Variants in TNS1 observed in about 807,000 individuals in gnomAD.
TNS1 encodes tensin-1.
A neutral mutation model predicts 168.6 loss-of-function variants in TNS1; 62 were observed. That is an observed-to-expected ratio of 0.37 (90% CI 0.30 to 0.45). The LOEUF is 0.45. TNS1 is among the 20% of genes least tolerant of loss of function. The probability of loss-of-function intolerance (pLI) is 1.00; values close to 1 mark genes in which losing one functional copy is unlikely to be tolerated. For missense variants in TNS1, 2,240 were observed against 2,339.4 expected (o/e 0.96, Z 0.88); for synonymous variants, 934 against 933.2 (o/e 1.00, Z -0.02).
intron 19 of TNS1, among the ~76,000 whole-genome samples, chr2:217,846,323 G>A (rs1403242462): frequency 1.3e-5 from 2 of 152,168 alleles, no homozygotes; most frequent in African/African-American, 4.8e-5. Flanking sequence ...TAGGAGCAGG[G>A]AGCCTGTGTC....
chr2:217,945,167 C>T (rs546814080), intron 3 of TNS1, among the ~76,000 whole-genome samples: 2 of 152,334 alleles, frequency 1.3e-5, no homozygotes, highest in African/African-American at 4.8e-5. Context: ...AAGGCCCTTC[C>T]TTCTCTTCCG....
At chr2:217,966,171 CT>C (rs1957623359) in intron 3 of TNS1, among the ~76,000 whole-genome samples, 1 of 152,018 alleles carries the variant, frequency 6.6e-6, no homozygotes, top group Non-Finnish European at 1.5e-5. Flanking sequence ...AATATGAGAC[CT>C]TTGGGGAGCC....
intron 3 of TNS1, among the ~76,000 whole-genome samples, chr2:217,937,586 A>G (rs1956686022): frequency 6.6e-6 from 1 of 152,068 alleles, no homozygotes; most frequent in South Asian, 2.1e-4. Context: ...CGACTGCCAG[A>G]GTTGGGGGCA....
intron 1 of TNS1, among the ~76,000 whole-genome samples, chr2:218,015,797 G>T (rs973015986): frequency 6.6e-6 from 1 of 152,096 alleles, no homozygotes; most frequent in Admixed American, 6.5e-5. Context: ...TCGATCCATG[G>T]GGATCCCACA....
At position 217,817,745 on chromosome 2, in the gene TNS1, G is replaced by A; in HGVS notation, c.4587C>T (p.Gly1529=). The change falls in exon 24 of 33, where the codon GGC becomes GGT. Residue 1529 remains glycine, a synonymous_variant. Coordinates refer to ENST00000682258, the MANE Select transcript of TNS1 (RefSeq NM_001387777.1). ...VASGMSSPSG[G]STVSFSHTLP... Reference sequence around the variant, plus strand: ...GAGTGTGGGAGAAGGAGACGGTGCTGCCCCCACTGGGACTGGACATGCCGC... The same window carrying A: ...GAGTGTGGGAGAAGGAGACGGTGCTACCCCCACTGGGACTGGACATGCCGC... 6.2e-7 allele frequency: 1 copy of A among 1,612,750 alleles called. No homozygotes were observed. Among genetic ancestry groups the A allele is most frequent in the Non-Finnish European group, 8.5e-7 (1 of 1,179,156 alleles).
At chr2:217,879,878 C>T (rs1950531996) in intron 18 of TNS1, among the ~76,000 whole-genome samples, 1 of 152,208 alleles carries the variant, frequency 6.6e-6, no homozygotes, top group African/African-American at 2.4e-5. Context: ...CACAGCCCCA[C>T]CCAGGACTGG....
At chr2:218,013,779 GGAGGAATGACTTCTCCACA>G (rs1330564154), upstream of TNS1, among the ~76,000 whole-genome samples, 1 of 152,120 alleles carries the variant, frequency 6.6e-6, no homozygotes, top group Non-Finnish European at 1.5e-5. Context: ...AGTTGGAGGA[GGAGGAATGACTTCTCCACA>G]CCCCACCATA....
chr2:218,010,226 G>A (rs1160989291), exon 1 of TNS1: 1 of 398,820 alleles, frequency 2.5e-6, no homozygotes, highest in Non-Finnish European at 4.4e-6. Context: ...CCTGGGGCGC[G>A]AGGGTCGGAA....
chr2:217,922,032 G>C (rs577713399), intron 3 of TNS1, among the ~76,000 whole-genome samples: 11 of 152,282 alleles, frequency 7.2e-5, no homozygotes, highest in Middle Eastern at 3.4e-3. Flanking sequence ...GGAGACACAG[G>C]GGGAACAGAA....
chr2:217,928,640 G>A (rs1156417427), intron 3 of TNS1, among the ~76,000 whole-genome samples: 1 of 152,122 alleles, frequency 6.6e-6, no homozygotes, highest in African/African-American at 2.4e-5. Context: ...AAGCAGACAG[G>A]ACACAGGGGA....
chr2:217,927,061 C>T (rs1014178706), intron 3 of TNS1, among the ~76,000 whole-genome samples: 1 of 152,236 alleles, frequency 6.6e-6, no homozygotes, highest in Non-Finnish European at 1.5e-5. Flanking sequence ...GTGTGTCTCA[C>T]CCACTACCCC....
chr2:217,823,168 G>T (rs1943133704), intron 22 of TNS1, among the ~76,000 whole-genome samples: 1 of 152,054 alleles, frequency 6.6e-6, no homozygotes, highest in Non-Finnish European at 1.5e-5. Context: ...CCCTAACCAG[G>T]GCCAGTACAC....
chr2:217,813,075 T>C lies in TNS1; in HGVS notation c.4954+140A>G. On this transcript the variant is annotated intron_variant, in intron 27 of 32. Transcript: ENST00000682258. The surrounding 1 kb of genome is among the most constrained non-coding windows in gnomAD (Gnocchi z 4.0). ...ACTGCGGAGGGAGAGAAGCTTTCAT[T>C]CATTTTCTCTGCTGAATTTATGACA... 1 of 654,782 alleles carries C rather than the reference T, an allele frequency of 1.5e-6. No individual in the cohort carries two copies. The highest frequency in any genetic ancestry group is 1.9e-5 in the South Asian group (1 of 53,916). The allele number at this position is 654,782 out of a possible 1,614,324, so 40.6% of individuals were successfully genotyped here.
rs747945690 is a variant in TNS1, at chr2:217,920,226, G to C, written c.197C>G (p.Pro66Arg). The C allele has an allele frequency of 1.0e-5, 7 of 702,908 alleles. No individual in the cohort carries two copies. The highest frequency in any genetic ancestry group is 4.4e-5 in the South Asian group (3 of 67,588). 43.5% of individuals were successfully genotyped at this position (702,908 alleles called of 1,614,324 possible). ...HRKCQAKVAA[P>R]CVPPSNHELV... is the part of the protein sequence containing the mutation. ...CTCATGGTTGGATGGAGGAACGCAG[G>C]GGGCAGCCACCTGTGGAAGGAACAG... Residue 66 changes from proline to arginine, a missense_variant, in exon 4 of 33, where the codon CCC becomes CGC. Coordinates refer to ENST00000682258, the MANE Select transcript of TNS1 (RefSeq NM_001387777.1).
chr2:217,845,000 T>TC (rs1461851589), intron 19 of TNS1, among the ~76,000 whole-genome samples: 8 of 152,224 alleles, frequency 5.3e-5, no homozygotes, highest in Non-Finnish European at 7.3e-5. Context: ...TAGGAACGCT[T>TC]CCAATGCTCC....
At chr2:217,896,092 A>G (rs185414600) in intron 8 of TNS1, among the ~76,000 whole-genome samples, 2 of 152,366 alleles carry the variant, frequency 1.3e-5, no homozygotes, top group East Asian at 3.9e-4. Flanking sequence ...CTCAACAACA[A>G]TAAGAGGTAG....
chr2:217,885,974 A>G (rs1311735057), intron 14 of TNS1, 70 bp downstream of exon 14: 2 of 1,587,704 alleles, frequency 1.3e-6, no homozygotes, highest in African/African-American at 2.7e-5. Context: ...TCCTCTCCCC[A>G]ACCTTCTGAC....
intron 22 of TNS1, among the ~76,000 whole-genome samples, chr2:217,822,781 C>T (rs1419177584): frequency 1.3e-5 from 2 of 152,296 alleles, no homozygotes; most frequent in East Asian, 1.9e-4. Context: ...CCAGATGGCC[C>T]GACTCCCAGA....
At chr2:218,011,330 CAG>C (rs1439056485), upstream of TNS1, among the ~76,000 whole-genome samples, 1 of 152,048 alleles carries the variant, frequency 6.6e-6, no homozygotes, top group Non-Finnish European at 1.5e-5. Context: ...TAGACAAAGG[CAG>C]AGAGAGGCAG....
Sources: allele counts gnomAD v4.1 joint callset (sites outside exome capture counted in the v4.1 genomes callset), GRCh38; gene constraint gnomAD v4.1.1; non-coding constraint Gnocchi (gnomAD v3.1); transcripts MANE v1.5; gene names NCBI Gene and HGNC (gene_info 2026-07-23, HGNC 2026-07-21).